The following GLIS3 variants were observed in gnomAD, a reference collection of about 807,000 sequenced individuals.
The protein encoded by GLIS3 is zinc finger protein GLIS3.
GLIS3 carries 53 observed loss-of-function variants against 78.6 expected under a neutral mutation model. That is an observed-to-expected ratio of 0.67 (90% CI 0.54 to 0.85). The LOEUF is 0.85. Among genes scored for constraint, GLIS3 ranks in the 40% least tolerant of loss-of-function variants. The probability of loss-of-function intolerance (pLI) is 0.00; values close to 1 mark genes in which losing one functional copy is unlikely to be tolerated. For synonymous variants in GLIS3, 684 were observed against 509.9 expected (o/e 1.34, Z -4.60); for missense variants, 1,703 against 1,231.1 (o/e 1.38, Z -5.74).
the GLIS3 span, among the ~76,000 whole-genome samples, chr9:4,463,428 C>T: frequency 1.3e-5 from 2 of 152,136 alleles, no homozygotes; most frequent in African/African-American, 4.8e-5. Context: ...TCACCCAACC[C>T]TCTCTCCTCT....
At chr9:4,043,858 G>C (rs1214628779) in intron 4 of GLIS3, among the ~76,000 whole-genome samples, 1 of 152,206 alleles carries the variant, frequency 6.6e-6, no homozygotes, top group Non-Finnish European at 1.5e-5. Flanking sequence ...TTCACTTGTA[G>C]TTCTGGAGAA....
intron 4 of GLIS3, among the ~76,000 whole-genome samples, chr9:4,007,001 T>A (rs1821602145): frequency 6.6e-6 from 1 of 152,120 alleles, no homozygotes; most frequent in Non-Finnish European, 1.5e-5. Flanking sequence ...CAAAATGAAG[T>A]GATGATATAT....
At chr9:4,375,266 T>G in the GLIS3 span, among the ~76,000 whole-genome samples, 1 of 152,154 alleles carries the variant, frequency 6.6e-6, no homozygotes, top group Non-Finnish European at 1.5e-5. Context: ...ATGACAAATA[T>G]CTCCTTCAGT....
chr9:4,403,284 C>A, the GLIS3 span, among the ~76,000 whole-genome samples: 1 of 152,142 alleles, frequency 6.6e-6, no homozygotes, highest in East Asian at 1.9e-4. Context: ...TTATCAACAC[C>A]AGACCTCTCC....
At chr9:3,865,744 A>G (rs1820532020) in intron 8 of GLIS3, among the ~76,000 whole-genome samples, 1 of 152,224 alleles carries the variant, frequency 6.6e-6, no homozygotes, top group Non-Finnish European at 1.5e-5. Flanking sequence ...TTTGTTTGGA[A>G]TATGGAAACA....
chr9:3,906,291 G>A (rs901806040), intron 6 of GLIS3, among the ~76,000 whole-genome samples: 2 of 152,228 alleles, frequency 1.3e-5, no homozygotes, highest in Non-Finnish European at 2.9e-5. Context: ...GAGGACAAGT[G>A]TGTCTGGTTA....
At chr9:4,342,035 C>A (rs1042419088) in intron 2 of GLIS3, among the ~76,000 whole-genome samples, 10 of 152,080 alleles carry the variant, frequency 6.6e-5, no homozygotes, top group Admixed American at 3.9e-4. Flanking sequence ...ATATTTTCTC[C>A]CATTCTGTAG....
chr9:4,417,433 T>C, the GLIS3 span, among the ~76,000 whole-genome samples: 1 of 152,236 alleles, frequency 6.6e-6, no homozygotes, highest in Non-Finnish European at 1.5e-5. Flanking sequence ...CATGCTTCAC[T>C]TTTTTCTACT....
intron 8 of GLIS3, among the ~76,000 whole-genome samples, chr9:3,879,007 A>G (rs1216893884): frequency 6.6e-6 from 1 of 152,174 alleles, no homozygotes; most frequent in Non-Finnish European, 1.5e-5. Flanking sequence ...AGATATTAAT[A>G]TAAAGTATTC....
At chr9:4,170,243 T>C (rs1816257037) in intron 2 of GLIS3, among the ~76,000 whole-genome samples, 1 of 152,144 alleles carries the variant, frequency 6.6e-6, no homozygotes, top group African/African-American at 2.4e-5. Flanking sequence ...AGATAGGAAT[T>C]AACAATAAAA....
chr9:4,280,532 T>A (rs1399680105), intron 2 of GLIS3, among the ~76,000 whole-genome samples: 1 of 152,116 alleles, frequency 6.6e-6, no homozygotes, highest in African/African-American at 2.4e-5. Flanking sequence ...AAATGCAGTA[T>A]AATACAACAC....
At chr9:4,022,904 G>A (rs1205066407) in intron 4 of GLIS3, among the ~76,000 whole-genome samples, 4 of 152,118 alleles carry the variant, frequency 2.6e-5, no homozygotes, top group African/African-American at 9.7e-5. Context: ...GGCTGTCTGG[G>A]GCCAGGGGCT....
At chr9:4,474,592 A>C in the GLIS3 span, among the ~76,000 whole-genome samples, 1 of 152,204 alleles carries the variant, frequency 6.6e-6, no homozygotes, top group South Asian at 2.1e-4. Flanking sequence ...GCAAAATAAT[A>C]AAGCTTCTAG....
chr9:4,489,089 A>G, the GLIS3 span, among the ~76,000 whole-genome samples: 11 of 152,034 alleles, frequency 7.2e-5, no homozygotes, highest in South Asian at 2.1e-4. Flanking sequence ...GGATGGTCTC[A>G]ATCTCCTGAC....
chr9:4,229,396 C>G (rs1404240441), intron 2 of GLIS3, among the ~76,000 whole-genome samples: 3 of 152,182 alleles, frequency 2.0e-5, no homozygotes, highest in Non-Finnish European at 2.9e-5. Flanking sequence ...AGTTGTCTAA[C>G]TTTGGTTGGT....
At chr9:4,173,417 C>A (rs1430563189) in intron 2 of GLIS3, among the ~76,000 whole-genome samples, 1 of 152,086 alleles carries the variant, frequency 6.6e-6, no homozygotes, top group Non-Finnish European at 1.5e-5. Context: ...CCACGTGTGT[C>A]TTCTTATCAT....
At chr9:4,152,166 C>A in intron 2 of GLIS3, 1 of 975,594 alleles carries the variant, frequency 1.0e-6, no homozygotes, top group Non-Finnish European at 1.2e-6. Flanking sequence ...CCTCCAACAC[C>A]CTTCAACCAT....
rs138244801 is a variant in GLIS3, at chr9:4,166,951, G to A, written c.389-41010C>T. Reference sequence around the variant, plus strand: ...ACCAAGGTTAAAAACAAAAAGTCACGTGTGTTCCTGTTTGCGAACAACTCC... The same window carrying A: ...ACCAAGGTTAAAAACAAAAAGTCACATGTGTTCCTGTTTGCGAACAACTCC... On this transcript the variant is annotated intron_variant, in intron 2 of 10. Transcript: ENST00000381971. Among the ~76,000 whole-genome samples the A allele has an allele frequency of 7.2e-3, 1,093 of 152,342 alleles. 8 individuals carry two copies. Among genetic ancestry groups the A allele is most frequent in the Middle Eastern group, 0.017 (5 of 294 alleles).
chr9:3,928,316 A>G (rs1825385772), intron 6 of GLIS3, among the ~76,000 whole-genome samples: 1 of 152,210 alleles, frequency 6.6e-6, no homozygotes, highest in Admixed American at 6.5e-5. Flanking sequence ...AAAAATGAGA[A>G]GGGTTTGCAA....
Sources: gnomAD v4.1 joint callset for allele counts (sites outside exome capture counted in the v4.1 genomes callset) on GRCh38, gnomAD v4.1.1 for gene constraint, MANE v1.5 for transcripts, NCBI Gene and HGNC (gene_info 2026-07-23, HGNC 2026-07-21) for gene names.